The following WNT2B variants were observed in gnomAD, a reference collection of about 807,000 sequenced individuals.
WNT2B encodes the protein protein Wnt-2b.
WNT2B carries 19 observed loss-of-function variants against 40.5 expected under a neutral mutation model. The ratio of observed to expected loss-of-function variants is 0.47; its 90% CI spans 0.33 to 0.69. WNT2B has a LOEUF of 0.69. Among genes scored for constraint, WNT2B ranks in the 30% least tolerant of loss-of-function variants. The probability of loss-of-function intolerance (pLI) is 0.02; values close to 1 mark genes in which losing one functional copy is unlikely to be tolerated. For missense variants in WNT2B, 467 were observed against 556.4 expected (o/e 0.84, Z 1.62); for synonymous variants, 220 against 211.9 (o/e 1.04, Z -0.33).
rs1194862924 is a variant in WNT2B, at chr1:112,524,978, A to G, written c.*4469A>G. On this transcript the variant is annotated 3_prime_UTR_variant, in exon 5 of 5. Transcript: ENST00000369684. ...GCAACTCTTTGGTTTGGGGACCAGA[A>G]CTCCTCTGGTGGGTGGTTGGGGGAA... 6.6e-6 allele frequency: 1 copy of G among 152,206 alleles called. No homozygotes were observed. The highest frequency in any genetic ancestry group is 2.4e-5 in the African/African-American group (1 of 41,406). The allele number at this position is 152,206 out of a possible 1,614,324, so 9.4% of individuals were successfully genotyped here. A position where few individuals can be genotyped will look rare whatever the true frequency, so the allele number is the denominator to read the frequency against.
rs777274618 is a variant in WNT2B at position 112,509,132 on chromosome 1, G to T, written c.-131G>T. ...TCCTCCCGGGCTCTGGACCCCAGGTGATCCTAGGTCCCCAGCCGCCGGCGA... is the reference window on the plus strand; with the variant it reads ...TCCTCCCGGGCTCTGGACCCCAGGTTATCCTAGGTCCCCAGCCGCCGGCGA... On this transcript the variant is annotated 5_prime_UTR_variant, in exon 1 of 5. Coordinates refer to ENST00000369684, the MANE Select transcript of WNT2B (RefSeq NM_024494.3). This position sits in a 1 kb window ranked among gnomAD's most constrained non-coding sequence, Gnocchi z 4.2. 11 of 1,370,784 alleles carry T rather than the reference G, an allele frequency of 8.0e-6. No individual in the cohort carries two copies. The highest frequency in any genetic ancestry group is 9.3e-6 in the Non-Finnish European group (10 of 1,070,612). 84.9% of individuals were successfully genotyped at this position (1,370,784 alleles called of 1,614,324 possible).
chr1:112,487,137 A>T (rs1651443455), intron 1 of WNT2B, among the ~76,000 whole-genome samples: 1 of 152,264 alleles, frequency 6.6e-6, no homozygotes, highest in East Asian at 1.9e-4. Context: ...CTATTCAACA[A>T]TAAAAAGAAT....
chr1:112,495,587 T>C (rs896849857), intron 1 of WNT2B, among the ~76,000 whole-genome samples: 55 of 124,460 alleles, frequency 4.4e-4, no homozygotes, highest in African/African-American at 1.9e-3. Flanking sequence ...AGACTCTGTC[T>C]CAAAAAAAAA....
chr1:112,523,352 A>G lies in WNT2B; in HGVS notation c.*2843A>G, dbSNP rs1652985893. 1 of 152,228 alleles carries G rather than the reference A, an allele frequency of 6.6e-6. No individual in the cohort carries two copies. The highest frequency in any genetic ancestry group is 2.4e-5 in the African/African-American group (1 of 41,462). 9.4% of individuals were successfully genotyped at this position (152,228 alleles called of 1,614,324 possible). A position where few individuals can be genotyped will look rare whatever the true frequency, so the allele number is the denominator to read the frequency against. ...AGAAGTTTGAAAAGAGAGGTGCATA[A>G]GAGAGAAATGATGTCCATTTGAGCC... On this transcript the variant is annotated 3_prime_UTR_variant, in exon 5 of 5. Transcript: ENST00000369684.
At chr1:112,467,478 C>G in exon 1 of WNT2B, 1 of 766,044 alleles carries the variant, frequency 1.3e-6, no homozygotes, top group Non-Finnish European at 2.4e-6. Flanking sequence ...TAAATCTTAA[C>G]TGCAATCTGT....
chr1:112,498,012 G>A (rs1260136898), intron 1 of WNT2B, among the ~76,000 whole-genome samples: 3 of 151,404 alleles, frequency 2.0e-5, no homozygotes, highest in Admixed American at 6.6e-5. Context: ...CTGTCAACCC[G>A]TCGTCATCTA....
chr1:112,482,126 C>A (rs1215704207), intron 1 of WNT2B, among the ~76,000 whole-genome samples: 3 of 143,652 alleles, frequency 2.1e-5, no homozygotes, highest in South Asian at 2.2e-4. Flanking sequence ...GCCTGGGCAA[C>A]AAGAGTGAAA....
At chr1:112,516,547 C>G (rs1410189576) in intron 3 of WNT2B, 130 bp downstream of exon 3, 9 of 1,272,642 alleles carry the variant, frequency 7.1e-6, no homozygotes, top group Non-Finnish European at 9.5e-6. Context: ...GCCCCAACAT[C>G]CTGGGACAGG....
chr1:112,515,206 CAGAG>C lies in WNT2B; in HGVS notation c.403+114_403+117del. 7.8e-7 allele frequency: 1 copy of C among 1,277,080 alleles called. No homozygotes were observed. Among genetic ancestry groups the C allele is most frequent in the Non-Finnish European group, 1.1e-6 (1 of 917,954 alleles). 79.1% of individuals were successfully genotyped at this position (1,277,080 alleles called of 1,614,324 possible). ...CCTCTCCCACACACTGTTTCATCAT[CAGAG>C]AAAGAACTGTGGGCAGAGCCCAGGA... On this transcript the variant is annotated intron_variant, in intron 2 of 4. Transcript: ENST00000369684. The surrounding 1 kb of genome is among the most constrained non-coding windows in gnomAD (Gnocchi z 4.4).
upstream of WNT2B, among the ~76,000 whole-genome samples, chr1:112,506,439 G>A (rs1013936470): frequency 6.6e-6 from 1 of 152,216 alleles, no homozygotes; most frequent in Non-Finnish European, 1.5e-5. Flanking sequence ...CTAGGTTAGG[G>A]CTGATGTGAT....
At chr1:112,479,637 A>AAC in intron 1 of WNT2B, among the ~76,000 whole-genome samples, 1 of 152,258 alleles carries the variant, frequency 6.6e-6, no homozygotes, top group South Asian at 2.1e-4. Context: ...ACAAGATCAC[A>AAC]AAGTGTGCAG....
At position 112,529,542 on chromosome 1, in the gene WNT2B, T is replaced by C. The variant is rs1198658315; in HGVS notation, c.*9033T>C. ...TTCTGAATGGAAAGGATTTCAATACTCATAAAATATCTAACTGGCTTATTT... is the reference window on the plus strand; with the variant it reads ...TTCTGAATGGAAAGGATTTCAATACCCATAAAATATCTAACTGGCTTATTT... On this transcript the variant is annotated 3_prime_UTR_variant, in exon 5 of 5. Transcript: ENST00000369684. 2 of 152,152 alleles carry C rather than the reference T, an allele frequency of 1.3e-5. No individual in the cohort carries two copies. Among genetic ancestry groups the C allele is most frequent in the Admixed American group, 1.3e-4 (2 of 15,278 alleles). 9.4% of individuals were successfully genotyped at this position (152,152 alleles called of 1,614,324 possible).
rs577300864 is a variant in WNT2B at position 112,486,667 on chromosome 1, A to AC, written c.-95+19076_-95+19077insC. On this transcript the variant is annotated intron_variant, in intron 1 of 4. Transcript: ENST00000256640. Reference sequence around the variant, plus strand: ...CTTTCTAAAGTTAATAAGAAAAAAAAAACCCAATAAAAATAGGGGAAATAT... The same window carrying AC: ...CTTTCTAAAGTTAATAAGAAAAAAAACAACCCAATAAAAATAGGGGAAATAT... 3.0e-3 allele frequency among the ~76,000 whole-genome samples: 458 copies of AC among 152,252 alleles called. 2 individuals are homozygous for AC. The highest frequency in any genetic ancestry group is 0.01 in the African/African-American group (433 of 41,572).
At chr1:112,505,771 C>T (rs1652087004), upstream of WNT2B, among the ~76,000 whole-genome samples, 1 of 152,224 alleles carries the variant, frequency 6.6e-6, no homozygotes, top group South Asian at 2.1e-4. Flanking sequence ...CAGCTGGCTC[C>T]TGCAGCCTGG....
chr1:112,499,119 T>A (rs1171634015), intron 1 of WNT2B, among the ~76,000 whole-genome samples: 2 of 148,818 alleles, frequency 1.3e-5, no homozygotes, highest in Non-Finnish European at 3.0e-5. Context: ...GGCAGGAGAA[T>A]GGCTTGAACC....
In WNT2B at chr1:112,522,911, C is replaced by G. The variant is rs1186983185; in HGVS notation, c.*2402C>G. The stretch of plus-strand genomic sequence containing the variant: ...AGGGGGAAATGGGAGGGGAAGAGAA[C>G]AGCTGACATCTTGAGGAAAGCTTTG... On this transcript the variant is annotated 3_prime_UTR_variant, in exon 5 of 5. Coordinates refer to ENST00000369684, the MANE Select transcript of WNT2B (RefSeq NM_024494.3). The G allele has an allele frequency of 2.0e-5, 3 of 152,116 alleles. No individual in the cohort carries two copies. Among genetic ancestry groups the G allele is most frequent in the African/African-American group, 4.8e-5 (2 of 41,386 alleles). 9.4% of individuals were successfully genotyped at this position (152,116 alleles called of 1,614,324 possible). A position where few individuals can be genotyped will look rare whatever the true frequency, so the allele number is the denominator to read the frequency against.
In WNT2B at chr1:112,525,541, T is replaced by A; in HGVS notation, c.*5032T>A. The A allele has an allele frequency of 6.7e-6, 1 of 149,772 alleles. No individual in the cohort carries two copies. The allele number at this position is 149,772 out of a possible 1,614,324, so 9.3% of individuals were successfully genotyped here. ...TCTCGGTGGCTATTCCTCATTTACTTAAGATGTTTTAGTCATTCTGGATGT... is the reference window on the plus strand; with the variant it reads ...TCTCGGTGGCTATTCCTCATTTACTAAAGATGTTTTAGTCATTCTGGATGT... On this transcript the variant is annotated 3_prime_UTR_variant, in exon 5 of 5. Coordinates refer to ENST00000369684, the MANE Select transcript of WNT2B (RefSeq NM_024494.3).
chr1:112,499,803 C>A (rs1651890269), intron 1 of WNT2B, among the ~76,000 whole-genome samples: 2 of 152,198 alleles, frequency 1.3e-5, no homozygotes, highest in African/African-American at 4.8e-5. Context: ...AGAATTGTTT[C>A]TAATCATCCA....
chr1:112,499,203 CA>C (rs34199500), intron 1 of WNT2B, among the ~76,000 whole-genome samples: 67,363 of 104,882 alleles, frequency 0.64, 18,885 homozygotes, highest in East Asian at 0.75. Context: ...AAGACTGTCT[CA>C]AAAAAAAAAA....
Sources: allele counts gnomAD v4.1 joint callset (sites outside exome capture counted in the v4.1 genomes callset), GRCh38; gene constraint gnomAD v4.1.1; non-coding constraint Gnocchi (gnomAD v3.1); transcripts MANE v1.5; gene names NCBI Gene and HGNC (gene_info 2026-07-23, HGNC 2026-07-21).